CEP85L: variants seen among roughly 807,000 people sequenced by gnomAD.
CEP85L encodes the protein centrosomal protein 85L, also known as centrosomal protein of 85 kDa-like.
Under a neutral mutation model 100.3 loss-of-function variants are expected in CEP85L, and 60 were observed. The ratio of observed to expected loss-of-function variants is 0.60; its 90% CI spans 0.49 to 0.74. The LOEUF is 0.74. CEP85L is among the 30% of genes least tolerant of loss of function. CEP85L has a pLI of 0.00. For missense variants in CEP85L, 973 were observed against 936.2 expected (o/e 1.04, Z -0.51); for synonymous variants, 319 against 322.7 (o/e 0.99, Z 0.12).
At chr6:118,641,029 G>A (rs1041536081) in intron 1 of CEP85L, among the ~76,000 whole-genome samples, 1 of 152,094 alleles carries the variant, frequency 6.6e-6, no homozygotes, top group Non-Finnish European at 1.5e-5. Context: ...ATTTTACTGA[G>A]CATGTGTAAC....
intron 10 of CEP85L, among the ~76,000 whole-genome samples, chr6:118,475,315 A>T (rs894887184): frequency 6.7e-5 from 10 of 150,092 alleles, no homozygotes; most frequent in African/African-American, 2.2e-4. Flanking sequence ...TGAATTGCAC[A>T]CTTCAAAAAA....
chr6:118,662,365 A>T (rs969011668), intron 1 of CEP85L, among the ~76,000 whole-genome samples: 1 of 152,018 alleles, frequency 6.6e-6, no homozygotes, highest in African/African-American at 2.4e-5. Context: ...CTCCGTCTCT[A>T]CTGAAAATAC....
chr6:118,691,548 AAG>A (rs1491145627), intron 1 of CEP85L, among the ~76,000 whole-genome samples: 48 of 145,816 alleles, frequency 3.3e-4, no homozygotes, highest in Admixed American at 2.9e-3. Context: ...AAAAAAAAAA[AAG>A]AAAGAAACCC....
At chr6:118,650,554 A>C (rs1775481485) in intron 1 of CEP85L, among the ~76,000 whole-genome samples, 1 of 152,236 alleles carries the variant, frequency 6.6e-6, no homozygotes, top group Non-Finnish European at 1.5e-5. Context: ...TGGCTACTGC[A>C]GGACGCGCCC....
intron 1 of CEP85L, among the ~76,000 whole-genome samples, chr6:118,676,977 G>A (rs1189350876): frequency 6.6e-6 from 1 of 151,874 alleles, no homozygotes; most frequent in Admixed American, 6.6e-5. Flanking sequence ...CTCTGTTGAC[G>A]ATATGTATGT....
At chr6:118,480,328 T>A in intron 9 of CEP85L, 68 bp downstream of exon 9, 1 of 726,990 alleles carries the variant, frequency 1.4e-6, no homozygotes, top group Non-Finnish European at 2.3e-6. Flanking sequence ...TAGCTATAAA[T>A]TATGTATCTA....
At chr6:118,518,528 A>T (rs1776420601) in intron 4 of CEP85L, among the ~76,000 whole-genome samples, 1 of 152,200 alleles carries the variant, frequency 6.6e-6, no homozygotes, top group South Asian at 2.1e-4. Flanking sequence ...AAAGGTGTTT[A>T]TAATATTCTC....
chr6:118,679,442 G>A (rs956619227), intron 1 of CEP85L, among the ~76,000 whole-genome samples: 9 of 152,206 alleles, frequency 5.9e-5, no homozygotes, highest in African/African-American at 1.9e-4. Flanking sequence ...TATACAAGAG[G>A]CATGTGACTG....
intron 2 of CEP85L, among the ~76,000 whole-genome samples, chr6:118,623,021 C>T (rs531258333): frequency 2.6e-5 from 4 of 152,228 alleles, no homozygotes; most frequent in East Asian, 3.9e-4. Flanking sequence ...GGGTGGTTAG[C>T]GACAGAAGAG....
chr6:118,650,643 G>A (rs1281995130), intron 1 of CEP85L, among the ~76,000 whole-genome samples: 1 of 152,172 alleles, frequency 6.6e-6, no homozygotes, highest in Non-Finnish European at 1.5e-5. Flanking sequence ...GTGGCTGAGA[G>A]CGGCCGCATC....
intron 2 of CEP85L, among the ~76,000 whole-genome samples, chr6:118,608,762 C>T (rs1459658126): frequency 2.0e-5 from 3 of 152,054 alleles, no homozygotes; most frequent in Non-Finnish European, 4.4e-5. Flanking sequence ...TACATATAAA[C>T]ATGTATGTAT....
At chr6:118,644,470 A>T (rs1312558132) in intron 1 of CEP85L, among the ~76,000 whole-genome samples, 1 of 143,190 alleles carries the variant, frequency 7.0e-6, no homozygotes, top group Non-Finnish European at 1.5e-5. Context: ...ACTGAGCTCC[A>T]GCATTTATAC....
At chr6:118,522,220 C>T (rs1776710169) in intron 4 of CEP85L, among the ~76,000 whole-genome samples, 1 of 152,144 alleles carries the variant, frequency 6.6e-6, no homozygotes, top group East Asian at 1.9e-4. Context: ...ATTAGCCGGG[C>T]GTGACGGCGC....
intron 2 of CEP85L, among the ~76,000 whole-genome samples, chr6:118,601,247 G>A (rs1013690712): frequency 2.6e-5 from 4 of 152,206 alleles, no homozygotes; most frequent in Admixed American, 1.3e-4. Flanking sequence ...CAGCTATATA[G>A]GTTGTTAGTT....
chr6:118,606,412 G>A (rs758142096), intron 2 of CEP85L, among the ~76,000 whole-genome samples: 8 of 152,366 alleles, frequency 5.3e-5, no homozygotes, highest in Non-Finnish European at 8.8e-5. Context: ...GACTGCCAGT[G>A]TGAAAGTGCA....
intron 2 of CEP85L, among the ~76,000 whole-genome samples, chr6:118,571,291 T>A (rs1779872374): frequency 6.6e-6 from 1 of 152,186 alleles, no homozygotes; most frequent in Non-Finnish European, 1.5e-5. Flanking sequence ...CACATCTAAG[T>A]CACAACAGTG....
chr6:118,483,726 C>A lies in CEP85L; in HGVS notation c.1570G>T (p.Val524Leu), dbSNP rs779031422. Residue 524 changes from valine to leucine, a missense_variant, in exon 7 of 13, where the codon GTA becomes TTA. Coordinates refer to ENST00000368491, the MANE Select transcript of CEP85L (RefSeq NM_001042475.3). ...YLADLPTLDD[V>L]QSQSLQLQIL... ...GTTACCTGTAGACTCTGACTCTGTA[C>A]ATCATCTAGAGTTGGAAGATCAGCC... is the stretch of plus-strand genomic sequence containing the variant. 22 of 1,613,242 alleles carry A rather than the reference C, an allele frequency of 1.4e-5. No homozygotes were observed. The South Asian group carries it at 2.2e-4, about 16-fold the overall frequency.
intron 3 of CEP85L, among the ~76,000 whole-genome samples, chr6:118,531,572 A>C (rs1245265899): frequency 6.6e-6 from 1 of 152,000 alleles, no homozygotes; most frequent in Non-Finnish European, 1.5e-5. Flanking sequence ...AGAATAAACA[A>C]ACACCCTACA....
intron 1 of CEP85L, among the ~76,000 whole-genome samples, chr6:118,644,039 T>C (rs1287830567): frequency 6.6e-6 from 1 of 152,238 alleles, no homozygotes; most frequent in Non-Finnish European, 1.5e-5. Flanking sequence ...CAAACATTTA[T>C]TAAGCACTTA....
Sources: allele counts gnomAD v4.1 joint callset (sites outside exome capture counted in the v4.1 genomes callset), GRCh38; gene constraint gnomAD v4.1.1; transcripts MANE v1.5; gene names NCBI Gene and HGNC (gene_info 2026-07-23, HGNC 2026-07-21).